BTRC: variants seen among roughly 807,000 people sequenced by gnomAD.
The protein encoded by BTRC is F-box/WD repeat-containing protein 1A.
BTRC carries 42 observed loss-of-function variants against 85.5 expected under a neutral mutation model. The observed-to-expected ratio is 0.49, with a 90% CI of 0.38 to 0.64. The LOEUF (loss-of-function observed/expected upper bound fraction) is 0.64. Ranked by LOEUF, BTRC falls within the 30% of genes least tolerant of loss-of-function variation. The probability of loss-of-function intolerance (pLI) is 0.00; values close to 1 mark genes in which losing one functional copy is unlikely to be tolerated. For synonymous variants in BTRC, 255 were observed against 263.3 expected (o/e 0.97, Z 0.30); for missense variants, 594 against 743.5 (o/e 0.80, Z 2.34).
chr10:101,456,019 A>ACACACACACACACACACACACACACAC (rs1564784013), intron 2 of BTRC, among the ~76,000 whole-genome samples: 4 of 6,774 alleles, frequency 5.9e-4, no homozygotes, highest in African/African-American at 1.1e-3. Context: ...CACACACACA[A>ACACACACACACACACACACACACACAC]AATTAGCTGG....
chr10:101,550,884 T>TTGC lies in BTRC; in HGVS notation c.*25_*27dup, dbSNP rs1177304066. On this transcript the variant is annotated 3_prime_UTR_variant, in exon 14 of 15. Coordinates refer to ENST00000370187, the MANE Select transcript of BTRC (RefSeq NM_033637.4). Reference sequence around the variant, plus strand: ...AAATAACCATACACTGACCTCATACTTGCCCAGGTATCGAAATCGATTATG... The same window carrying TTGC: ...AAATAACCATACACTGACCTCATACTTGCTGCCCAGGTATCGAAATCGATTATG... 1 of 1,598,158 alleles carries TTGC rather than the reference T, an allele frequency of 6.3e-7. No individual in the cohort carries two copies. Among genetic ancestry groups the TTGC allele is most frequent in the Non-Finnish European group, 8.6e-7 (1 of 1,167,018 alleles).
At chr10:101,516,637 T>G (rs1474002057) in intron 4 of BTRC, among the ~76,000 whole-genome samples, 1 of 152,236 alleles carries the variant, frequency 6.6e-6, no homozygotes, top group East Asian at 1.9e-4. Flanking sequence ...TTCCCACTTA[T>G]GACTTGATCA....
chr10:101,419,579 G>A (rs1589444371), intron 1 of BTRC, among the ~76,000 whole-genome samples: 1 of 152,144 alleles, frequency 6.6e-6, no homozygotes, highest in African/African-American at 2.4e-5. Flanking sequence ...GACATCTACA[G>A]TATGACTGCT....
At chr10:101,471,844 G>A (rs1006006808) in intron 3 of BTRC, among the ~76,000 whole-genome samples, 17 of 152,172 alleles carry the variant, frequency 1.1e-4, no homozygotes, top group Non-Finnish European at 1.5e-4. Context: ...GGTAATTTGT[G>A]TTTTTGAAGA....
chr10:101,479,447 G>T lies in BTRC; in HGVS notation c.314G>T (p.Cys105Phe), dbSNP rs1479756766. The change falls in exon 4 of 15, where the codon TGT becomes TTT. Residue 105 changes from cysteine to phenylalanine, a missense_variant. Cys to Phe is a radical substitution (Grantham distance 205). Transcript: ENST00000370187. The part of the protein sequence containing the change: ...LASTAMKTEN[C>F]VAKTKLANGT... ...AGCACTGCTATGAAGACTGAGAATT[G>T]TGTGGCCAAAGTAAGTAATATTGCT... The T allele has an allele frequency of 1.2e-6, 2 of 1,612,606 alleles. No homozygotes were observed. The highest frequency in any genetic ancestry group is 1.7e-6 in the Non-Finnish European group (2 of 1,179,042).
chr10:101,533,515 T>C (rs2062332834), intron 9 of BTRC, among the ~76,000 whole-genome samples: 1 of 152,170 alleles, frequency 6.6e-6, no homozygotes, highest in African/African-American at 2.4e-5. Context: ...CAGTTTTTAA[T>C]TGCAAGCTTC....
At chr10:101,489,202 G>C (rs1192319810) in intron 4 of BTRC, among the ~76,000 whole-genome samples, 1 of 151,948 alleles carries the variant, frequency 6.6e-6, no homozygotes, top group Non-Finnish European at 1.5e-5. Context: ...CAATATTTTA[G>C]AATCAGTGAT....
intron 2 of BTRC, among the ~76,000 whole-genome samples, chr10:101,440,829 T>A (rs2134110225): frequency 6.6e-6 from 1 of 152,320 alleles, no homozygotes; most frequent in East Asian, 1.9e-4. Flanking sequence ...AAAAATGGTG[T>A]TGGTAATTCC....
At chr10:101,528,295 G>A (rs1564827593) in intron 6 of BTRC, among the ~76,000 whole-genome samples, 1 of 135,110 alleles carries the variant, frequency 7.4e-6, no homozygotes, top group African/African-American at 2.5e-5. Context: ...GCAGATGGAT[G>A]TGAAAATGCC....
chr10:101,356,799 C>T (rs887669294), intron 1 of BTRC, among the ~76,000 whole-genome samples: 4 of 152,004 alleles, frequency 2.6e-5, no homozygotes, highest in African/African-American at 9.7e-5. Context: ...TGCCATTTAC[C>T]CTGCTATAAC....
At chr10:101,474,822 C>T (rs571020565) in intron 3 of BTRC, among the ~76,000 whole-genome samples, 1 of 152,188 alleles carries the variant, frequency 6.6e-6, no homozygotes, top group Non-Finnish European at 1.5e-5. Context: ...TCAGGCCACT[C>T]CTTCCCCATT....
chr10:101,371,019 A>G (rs1002163661), intron 1 of BTRC, among the ~76,000 whole-genome samples: 1 of 152,246 alleles, frequency 6.6e-6, no homozygotes, highest in African/African-American at 2.4e-5. Context: ...ACTATTTAAA[A>G]TGTATAGTTA....
chr10:101,490,229 T>TTCCCTCCCTCACTCCCTGCC (rs1946094595), intron 4 of BTRC, among the ~76,000 whole-genome samples: 1 of 151,016 alleles, frequency 6.6e-6, no homozygotes, highest in Non-Finnish European at 1.5e-5. Flanking sequence ...CACTCCCTCC[T>TTCCCTCCCTCACTCCCTGCC]TCCCTCCCTC....
At chr10:101,541,552 G>A (rs1291368396) in intron 13 of BTRC, among the ~76,000 whole-genome samples, 8 of 152,076 alleles carry the variant, frequency 5.3e-5, no homozygotes, top group East Asian at 3.9e-4. Flanking sequence ...GAACCACCGC[G>A]CCCGGCCTAG....
At chr10:101,453,260 T>G (rs1432413151) in intron 2 of BTRC, among the ~76,000 whole-genome samples, 1 of 152,210 alleles carries the variant, frequency 6.6e-6, no homozygotes, top group African/African-American at 2.4e-5. Flanking sequence ...GATTTTTTCC[T>G]TCAGGTGGGT....
chr10:101,531,094 C>A (rs1453256085), intron 6 of BTRC, 143 bp from the exon 7 acceptor site: 11 of 580,114 alleles, frequency 1.9e-5, no homozygotes, highest in African/African-American at 5.9e-5. Context: ...TCACTTGAAC[C>A]CAGGAAGCGG....
intron 1 of BTRC, among the ~76,000 whole-genome samples, chr10:101,374,384 A>G (rs1392329817): frequency 1.3e-5 from 2 of 151,842 alleles, no homozygotes; most frequent in African/African-American, 4.8e-5. Flanking sequence ...AACCAACCCA[A>G]ATGTCCAACA....
rs2062322865 is a variant in BTRC, at chr10:101,532,979, A to C, written c.1006A>C (p.Lys336Gln). 1.2e-6 allele frequency: 2 copies of C among 1,613,004 alleles called. No individual in the cohort carries two copies. The highest frequency in any genetic ancestry group is 1.1e-5 in the South Asian group (1 of 91,048). ...CTGGGATAAAAACACATTGGAATGC[A>C]AGCGAATTCTCACAGGCCATACAGG... Reference protein sequence around the residue: ...KIWDKNTLECKRILTGHTGSV... With the variant: ...KIWDKNTLECQRILTGHTGSV... The change falls in exon 9 of 15, where the codon AAG (lysine) becomes CAG (glutamine). Residue 336 changes from lysine (K) to glutamine (Q), a missense_variant. Transcript: ENST00000370187.
intron 2 of BTRC, among the ~76,000 whole-genome samples, chr10:101,451,766 T>G (rs1285579657): frequency 2.6e-5 from 4 of 152,138 alleles, no homozygotes; most frequent in African/African-American, 9.7e-5. Flanking sequence ...TTAAATCGTG[T>G]TGAAAATTTG....
Sources: gnomAD v4.1 joint callset for allele counts (sites outside exome capture counted in the v4.1 genomes callset) on GRCh38, gnomAD v4.1.1 for gene constraint, MANE v1.5 for transcripts, NCBI Gene and HGNC (gene_info 2026-07-23, HGNC 2026-07-21) for gene names.